TMEM266: variants seen among roughly 807,000 people sequenced by gnomAD.
The protein encoded by TMEM266 is Hv1 related protein 1.
Under a neutral mutation model 50.5 loss-of-function variants are expected in TMEM266, and 33 were observed. The ratio of observed to expected loss-of-function variants is 0.65; its 90% CI spans 0.50 to 0.87. The LOEUF is 0.87. Ranked by LOEUF, TMEM266 falls within the 40% of genes least tolerant of loss-of-function variation. The probability of loss-of-function intolerance (pLI) is 0.00; values close to 1 mark genes in which losing one functional copy is unlikely to be tolerated. For synonymous variants in TMEM266, 310 were observed against 292.3 expected (o/e 1.06, Z -0.62); for missense variants, 655 against 695.1 (o/e 0.94, Z 0.65).
chr15:76,162,230 C>T (rs185483863), intron 5 of TMEM266, among the ~76,000 whole-genome samples: 58 of 152,260 alleles, frequency 3.8e-4, no homozygotes, highest in African/African-American at 1.3e-3. Context: ...GCCAGGCCGC[C>T]GGTAGCAGGG....
chr15:76,150,824 C>A (rs951034749), intron 3 of TMEM266, among the ~76,000 whole-genome samples: 1 of 152,326 alleles, frequency 6.6e-6, no homozygotes, highest in South Asian at 2.1e-4. Context: ...GTGGCTTTAT[C>A]GCATATAAAG....
intron 8 of TMEM266, chr15:76,178,907 G>A (rs1251813769): frequency 6.6e-6 from 1 of 152,278 alleles, no homozygotes; most frequent in Non-Finnish European, 1.5e-5. Context: ...ACCGGGGAGG[G>A]TGGGGGCTGC....
At chr15:76,102,560 C>T (rs771802765) in intron 1 of TMEM266, among the ~76,000 whole-genome samples, 9 of 152,070 alleles carry the variant, frequency 5.9e-5, no homozygotes, top group Admixed American at 2.6e-4. Flanking sequence ...GGAGTCAGGC[C>T]GGGTGCGGTG....
chr15:76,125,246 A>G (rs1481246546), intron 1 of TMEM266, among the ~76,000 whole-genome samples: 2 of 152,110 alleles, frequency 1.3e-5, no homozygotes, highest in Non-Finnish European at 2.9e-5. Context: ...GATATTTTGG[A>G]GGCAAAACCT....
At chr15:76,062,700 G>A (rs571167135) in intron 1 of TMEM266, among the ~76,000 whole-genome samples, 2 of 152,322 alleles carry the variant, frequency 1.3e-5, no homozygotes, top group South Asian at 4.1e-4. Context: ...TTCCATTCAA[G>A]CAGGATTTCA....
At chr15:76,129,994 C>T (rs543895489) in intron 1 of TMEM266, among the ~76,000 whole-genome samples, 177 of 151,834 alleles carry the variant, frequency 1.2e-3, no homozygotes, top group African/African-American at 3.6e-3. Context: ...GAGGCCAAGG[C>T]GGGAAGATTG....
At chr15:76,118,288 G>T (rs968460382) in intron 1 of TMEM266, among the ~76,000 whole-genome samples, 5 of 152,236 alleles carry the variant, frequency 3.3e-5, no homozygotes, top group African/African-American at 1.2e-4. Flanking sequence ...GAGGCCGGGT[G>T]TGGTGGCTCA....
chr15:76,098,641 T>C (rs2036955309), intron 1 of TMEM266, among the ~76,000 whole-genome samples: 2 of 152,104 alleles, frequency 1.3e-5, no homozygotes, highest in South Asian at 2.1e-4. Context: ...TTCAGAGCTG[T>C]CAGGCAGGGA....
rs910941405 is a variant in TMEM266 at position 76,191,964 on chromosome 15, G to A, written c.769-4G>A. The A allele has an allele frequency of 1.3e-6, 2 of 1,579,906 alleles. No homozygotes were observed. Among genetic ancestry groups the A allele is most frequent in the African/African-American group, 2.8e-5 (2 of 71,310 alleles). ...GATTCAGCCTTGCCCGTCTCCCTCC[G>A]CAGTTTGAGATCCGGCAGCTGCGCG... On this transcript the variant is annotated splice_region_variant and splice_polypyrimidine_tract_variant and intron_variant, in intron 8 of 10. Coordinates refer to ENST00000388942, the MANE Select transcript of TMEM266 (RefSeq NM_152335.3).
chr15:76,162,873 T>A (rs1230280394), intron 5 of TMEM266, among the ~76,000 whole-genome samples: 3 of 152,220 alleles, frequency 2.0e-5, no homozygotes, highest in African/African-American at 4.8e-5. Context: ...TCCTGGTTAA[T>A]ACCCAGGGAT....
chr15:76,156,722 A>C lies in TMEM266; in HGVS notation c.346A>C (p.Thr116Pro). 6.2e-7 allele frequency: 1 copy of C among 1,614,120 alleles called. No homozygotes were observed. Among genetic ancestry groups the C allele is most frequent in the Non-Finnish European group, 8.5e-7 (1 of 1,179,998 alleles). The change falls in exon 4 of 11, where the codon ACT becomes CCT. Residue 116 changes from threonine (T) to proline (P), a missense_variant. Physicochemically the swap from Thr to Pro is conservative, Grantham distance 38 (BLOSUM62 -1). Transcript: ENST00000388942. ...TGTAATATTGGTGGTGATTCTCCTG[A>C]CTCTGGAACTTCTAATAGATATAAA...
intron 1 of TMEM266, among the ~76,000 whole-genome samples, chr15:76,123,667 G>A (rs533107785): frequency 5.9e-5 from 9 of 152,158 alleles, no homozygotes; most frequent in African/African-American, 7.2e-5. Context: ...TAAGACAACC[G>A]AGATTATGTT....
chr15:76,191,991 G>T lies in TMEM266; in HGVS notation c.792G>T (p.Ala264=). The T allele has an allele frequency of 6.3e-7, 1 of 1,582,502 alleles. No homozygotes were observed. The highest frequency in any genetic ancestry group is 8.6e-7 in the Non-Finnish European group (1 of 1,169,298). The change falls in exon 9 of 11, where the codon GCG becomes GCT. Residue 264 remains alanine (A), a synonymous_variant. Transcript: ENST00000388942. Reference sequence around the variant, plus strand: ...AGTTTGAGATCCGGCAGCTGCGCGCGCACCTGGCGCAGCAGGACCTGGACC... The same window carrying T: ...AGTTTGAGATCCGGCAGCTGCGCGCTCACCTGGCGCAGCAGGACCTGGACC...
chr15:76,096,076 A>C (rs1010211907), intron 1 of TMEM266, among the ~76,000 whole-genome samples: 1 of 151,824 alleles, frequency 6.6e-6, no homozygotes, highest in African/African-American at 2.4e-5. Context: ...TCCTGGATTC[A>C]TTGATTTTTT....
At chr15:76,060,769 A>G (rs1567135645) in intron 1 of TMEM266, among the ~76,000 whole-genome samples, 4 of 152,128 alleles carry the variant, frequency 2.6e-5, no homozygotes. Context: ...AAAGCTAGCC[A>G]CCTGTTGGAA....
intron 3 of TMEM266, among the ~76,000 whole-genome samples, chr15:76,142,152 G>C (rs1467558424): frequency 6.6e-6 from 1 of 152,232 alleles, no homozygotes; most frequent in African/African-American, 2.4e-5. Context: ...ACTTTGGGAG[G>C]CCGAGGTAGG....
intron 9 of TMEM266, among the ~76,000 whole-genome samples, chr15:76,199,806 C>A (rs528780935): frequency 7.2e-6 from 1 of 139,726 alleles, no homozygotes; most frequent in Admixed American, 7.0e-5. Context: ...CATAGTGAAA[C>A]GTTCAGGGTG....
In TMEM266 at chr15:76,192,076, C is replaced by G. The variant is rs1596167697; in HGVS notation, c.877C>G (p.Arg293Gly). The G allele has an allele frequency of 6.8e-7, 1 of 1,475,012 alleles. No individual in the cohort carries two copies. Among genetic ancestry groups the G allele is most frequent in the East Asian group, 2.8e-5 (1 of 35,518 alleles). 91.4% of individuals were successfully genotyped at this position (1,475,012 alleles called of 1,614,324 possible). A position where few individuals can be genotyped will look rare whatever the true frequency, so the allele number is the denominator to read the frequency against. Residue 293 changes from arginine (R) to glycine (G), a missense_variant, in exon 9 of 11, where the codon CGC becomes GGC. By Grantham distance (125) the Arg-to-Gly change is moderately radical (BLOSUM62 -2). Around this residue, in one of 3 missense-constraint regions of TMEM266, gnomAD observed 455 missense variants for 401.8 expected, o/e 1.13. Coordinates refer to ENST00000388942, the MANE Select transcript of TMEM266 (RefSeq NM_152335.3). Reference sequence around the variant, plus strand: ...GCACGTGCTCAGCCAGCCGCGCAGCCGCTTCAAAGTGTTGGAGGCCGGCAC... The same window carrying G: ...GCACGTGCTCAGCCAGCCGCGCAGCGGCTTCAAAGTGTTGGAGGCCGGCAC...
chr15:76,099,729 T>C (rs1348259006), intron 1 of TMEM266, among the ~76,000 whole-genome samples: 1 of 152,154 alleles, frequency 6.6e-6, no homozygotes, highest in African/African-American at 2.4e-5. Context: ...ACGTATTTGA[T>C]TGCCAACAGC....
Sources: gnomAD v4.1 joint callset for allele counts (sites outside exome capture counted in the v4.1 genomes callset) on GRCh38, gnomAD v4.1.1 for gene constraint, gnomAD v4.1.1 regional missense constraint, MANE v1.5 for transcripts, NCBI Gene and HGNC (gene_info 2026-07-23, HGNC 2026-07-21) for gene names.